The following MFRP variants were observed in gnomAD, a reference collection of about 807,000 sequenced individuals.
The protein encoded by MFRP is membrane frizzled-related protein, also known as C1q and TNF related 5.
Under a neutral mutation model 65.8 loss-of-function variants are expected in MFRP, and 74 were observed. That is an observed-to-expected ratio of 1.12 (90% CI 0.93 to 1.36). The LOEUF (loss-of-function observed/expected upper bound fraction) is 1.36, where lower values mean the gene tolerates loss of function less well. MFRP is among the 40% of genes most tolerant of loss of function. The pLI, the probability that MFRP is intolerant of heterozygous loss-of-function variation, is 0.00. For missense variants in MFRP, 838 were observed against 736.0 expected (o/e 1.14, Z -1.60); for synonymous variants, 336 against 288.3 (o/e 1.17, Z -1.68).
At position 119,340,221 on chromosome 11, in the gene MFRP, G is replaced by A; in HGVS notation, c.*1073C>T. ...CCTCGCCTTTCTCTCCCGGAGCCCC[G>A]GGCGCGCCGTCGCGGCCGTCGCGGC... On this transcript the variant is annotated 3_prime_UTR_variant, in exon 14 of 15. Coordinates refer to ENST00000619721, the MANE Select transcript of MFRP (RefSeq NM_031433.4). 1.4e-5 allele frequency: 21 copies of A among 1,513,448 alleles called. No individual in the cohort carries two copies. The highest frequency in any genetic ancestry group is 1.9e-5 in the Non-Finnish European group (21 of 1,133,626). The allele number at this position is 1,513,448 out of a possible 1,614,324, so 93.8% of individuals were successfully genotyped here. A position where few individuals can be genotyped will look rare whatever the true frequency, so the allele number is the denominator to read the frequency against.
At chr11:119,340,050 C>T (rs1950485084) in intron 14 of MFRP, 134 bp downstream of exon 14, 1 of 1,279,402 alleles carries the variant, frequency 7.8e-7, no homozygotes, top group East Asian at 2.9e-5. Flanking sequence ...CTGGGCCCCT[C>T]CCCCGCTCAG....
chr11:119,345,377 G>T (rs1164462254), intron 5 of MFRP, 43 bp downstream of exon 5: 1 of 1,584,996 alleles, frequency 6.3e-7, no homozygotes, highest in Non-Finnish European at 8.7e-7. Context: ...TTTAGATAGT[G>T]GTTCAGGACA....
chr11:119,345,835 G>C lies in MFRP; in HGVS notation c.365C>G (p.Ser122Cys). The C allele has an allele frequency of 5.6e-6, 9 of 1,614,012 alleles. No individual in the cohort carries two copies. Among genetic ancestry groups the C allele is most frequent in the Non-Finnish European group, 7.6e-6 (9 of 1,180,020 alleles). ...CCCTTTAGGGGTCCCAGCTGCCTGA[G>C]AGGTGGTGATGGTGGGGGTGGTGGT... is the stretch of plus-strand genomic sequence containing the variant. ...TTTTTPTITT[S>C]QAAGTPKGQQ... Residue 122 changes from serine to cysteine, a missense_variant, in exon 4 of 15, where the codon TCT becomes TGT. By Grantham distance (112) the Ser-to-Cys change is moderately radical. Coordinates refer to ENST00000619721, the MANE Select transcript of MFRP (RefSeq NM_031433.4).
chr11:119,344,789 C>G, intron 6 of MFRP, 32 bp from the exon 7 acceptor site: 1 of 1,613,770 alleles, frequency 6.2e-7, no homozygotes, highest in Non-Finnish European at 8.5e-7. Context: ...CAGGGAGGCC[C>G]GGAGTCTCCA....
chr11:119,346,367 A>G lies in MFRP; in HGVS notation c.62T>C (p.Phe21Ser). 6.2e-7 allele frequency: 1 copy of G among 1,614,014 alleles called. No individual in the cohort carries two copies. Among genetic ancestry groups the G allele is most frequent in the Non-Finnish European group, 8.5e-7 (1 of 1,179,954 alleles). ...MEATESSKTE[F>S]CNPAFEPESG... Reference sequence around the variant, plus strand: ...CTCAGGCTCGAAGGCAGGATTGCAGAACTCGGTCTGGAAGGGGGAGATACT... The same window carrying G: ...CTCAGGCTCGAAGGCAGGATTGCAGGACTCGGTCTGGAAGGGGGAGATACT... The change falls in exon 2 of 15, where the codon TTC becomes TCC. Residue 21 changes from phenylalanine to serine, a missense_variant. By Grantham distance (155) the Phe-to-Ser change is radical (BLOSUM62 -2). Transcript: ENST00000619721.
At chr11:119,343,247 A>G (rs1950521451) in intron 9 of MFRP, among the ~76,000 whole-genome samples, 1 of 152,260 alleles carries the variant, frequency 6.6e-6, no homozygotes, top group Non-Finnish European at 1.5e-5. Flanking sequence ...ATTGTGGCTC[A>G]CACCTGTAAT....
rs778391048 is a variant in MFRP at position 119,343,896 on chromosome 11, C to T, written c.1044G>A (p.Leu348=). ...SIELQFHNFS[L]EAQDECKFDY... ...CAAACTTGCACTCGTCCTGAGCCTC[C>T]AGGCTGAAGTTGTGGAACTGTAGTT... Residue 348 remains leucine (L), a synonymous_variant, in exon 9 of 15, where the codon CTG becomes CTA. Transcript: ENST00000619721. 1 of 1,613,912 alleles carries T rather than the reference C, an allele frequency of 6.2e-7. No individual in the cohort carries two copies. The highest frequency in any genetic ancestry group is 8.5e-7 in the Non-Finnish European group (1 of 1,180,012).
At position 119,341,436 on chromosome 11, in the gene MFRP, C is replaced by G. The variant is rs1950501320; in HGVS notation, c.*112G>C. 2 of 896,988 alleles carry G rather than the reference C, an allele frequency of 2.2e-6. No homozygotes were observed. The highest frequency in any genetic ancestry group is 1.7e-5 in the African/African-American group (1 of 60,370). The allele number at this position is 896,988 out of a possible 1,614,324, so 55.6% of individuals were successfully genotyped here. ...TTCTCTTCCCCCTCCCTGGGAGCCCCAGAGAAGGATGGGTAGAGACCCTGC... is the reference window on the plus strand; with the variant it reads ...TTCTCTTCCCCCTCCCTGGGAGCCCGAGAGAAGGATGGGTAGAGACCCTGC... On this transcript the variant is annotated 3_prime_UTR_variant, in exon 13 of 15. Transcript: ENST00000619721.
At chr11:119,343,791 C>T (rs1342848384) in intron 9 of MFRP, 25 bp downstream of exon 9, 1 of 1,613,658 alleles carries the variant, frequency 6.2e-7, no homozygotes, top group Non-Finnish European at 8.5e-7. Flanking sequence ...TGGAGTTATC[C>T]ATGGCTCTTC....
rs1046262620 is a variant in MFRP, at chr11:119,340,383, G to A, written c.*911C>T. ...CCGCCAGGCCCAGGAGCAGCAGGAC[G>A]AGGAGTGGCCTCATAGCGCTGGCAC... On this transcript the variant is annotated 3_prime_UTR_variant, in exon 14 of 15. Transcript: ENST00000619721. The A allele has an allele frequency of 5.8e-6, 9 of 1,545,390 alleles. No individual in the cohort carries two copies. Among genetic ancestry groups the A allele is most frequent in the East Asian group, 2.5e-5 (1 of 40,760 alleles).
intron 7 of MFRP, 22 bp from the exon 8 acceptor site, chr11:119,344,413 C>T: frequency 6.2e-7 from 1 of 1,609,474 alleles, no homozygotes; most frequent in Non-Finnish European, 8.5e-7. Context: ...TGGAAGGGCT[C>T]ATGAGTTTGC....
In MFRP at chr11:119,342,581, G is replaced by A. The variant is rs1950513305; in HGVS notation, c.1387+15C>T. On this transcript the variant is annotated intron_variant, in intron 11 of 14. Transcript: ENST00000619721. The stretch of plus-strand genomic sequence containing the variant: ...CACCCAGCCTGCTCAGGGTCCCCAG[G>A]GGCAGGCTTCTCACCTGGGGGTGGG... 1 of 1,612,772 alleles carries A rather than the reference G, an allele frequency of 6.2e-7. No homozygotes were observed. Among genetic ancestry groups the A allele is most frequent in the Non-Finnish European group, 8.5e-7 (1 of 1,179,714 alleles).
intron 8 of MFRP, 138 bp downstream of exon 8, chr11:119,344,177 C>A (rs777069267): frequency 1.0e-5 from 10 of 973,634 alleles, no homozygotes; most frequent in East Asian, 2.5e-5. Flanking sequence ...TAATAATATT[C>A]CCCCATCCCC....
chr11:119,344,823 G>T (rs752970071), intron 6 of MFRP, 51 bp downstream of exon 6: 2 of 1,613,598 alleles, frequency 1.2e-6, no homozygotes, highest in Admixed American at 1.7e-5. Context: ...ACTGGGAGTG[G>T]GTGGAGGGGA....
intron 9 of MFRP, among the ~76,000 whole-genome samples, chr11:119,343,236 C>T (rs1207826954): frequency 6.6e-6 from 1 of 152,214 alleles, no homozygotes; most frequent in African/African-American, 2.4e-5. Flanking sequence ...AGCAGCCTGG[C>T]ATTGTGGCTC....
At chr11:119,341,803 G>A (rs1489948159) in intron 12 of MFRP, 31 bp from the exon 13 acceptor site, 1 of 1,613,366 alleles carries the variant, frequency 6.2e-7, no homozygotes, top group Non-Finnish European at 8.5e-7. Flanking sequence ...TCAGGCACCT[G>A]CTCCCAGGCT....
At position 119,339,830 on chromosome 11, in the gene MFRP, C is replaced by T. The variant is rs1391189829; in HGVS notation, c.*1129G>A. The stretch of plus-strand genomic sequence containing the variant: ...CGCCTCTCCTCGCGGCCCGGGGTCC[C>T]CTCGAGGTCCCGGCAGTCCTGCGGG... On this transcript the variant is annotated 3_prime_UTR_variant, in exon 15 of 15. Coordinates refer to ENST00000619721, the MANE Select transcript of MFRP (RefSeq NM_031433.4). This position sits in a 1 kb window ranked among gnomAD's most constrained non-coding sequence, Gnocchi z 5.4. The T allele has an allele frequency of 6.6e-7, 1 of 1,505,924 alleles. No homozygotes were observed. The highest frequency in any genetic ancestry group is 1.4e-5 in the African/African-American group (1 of 72,170). The allele number at this position is 1,505,924 out of a possible 1,614,324, so 93.3% of individuals were successfully genotyped here. A position where few individuals can be genotyped will look rare whatever the true frequency, so the allele number is the denominator to read the frequency against.
At chr11:119,342,396 TG>T (rs1177460477) in intron 11 of MFRP, among the ~76,000 whole-genome samples, 199 bp downstream of exon 11, 1 of 152,158 alleles carries the variant, frequency 6.6e-6, no homozygotes, top group Non-Finnish European at 1.5e-5. Context: ...CCATTTCCCT[TG>T]GGGTGACACT....
chr11:119,339,902 G>C lies in MFRP; in HGVS notation c.*1111-54C>G, dbSNP rs1332708106. On this transcript the variant is annotated intron_variant, in intron 14 of 14. Transcript: ENST00000619721. The surrounding 1 kb of genome is among the most constrained non-coding windows in gnomAD (Gnocchi z 5.4). Reference sequence around the variant, plus strand: ...GAGTAGCGGCGGCTCAGCCCGCAGCGGGGCGGCGACTCTAAGGTCACCGTA... The same window carrying C: ...GAGTAGCGGCGGCTCAGCCCGCAGCCGGGCGGCGACTCTAAGGTCACCGTA... 7.0e-7 allele frequency: 1 copy of C among 1,430,574 alleles called. No individual in the cohort carries two copies. The highest frequency in any genetic ancestry group is 9.1e-7 in the Non-Finnish European group (1 of 1,099,704). The allele number at this position is 1,430,574 out of a possible 1,614,324, so 88.6% of individuals were successfully genotyped here. A position where few individuals can be genotyped will look rare whatever the true frequency, so the allele number is the denominator to read the frequency against.
Sources: allele counts gnomAD v4.1 joint callset (sites outside exome capture counted in the v4.1 genomes callset), GRCh38; gene constraint gnomAD v4.1.1; non-coding constraint Gnocchi (gnomAD v3.1); transcripts MANE v1.5; gene names NCBI Gene and HGNC (gene_info 2026-07-23, HGNC 2026-07-21).